The following VPS13B variants were observed in gnomAD, a reference collection of about 807,000 sequenced individuals.
The protein encoded by VPS13B is vacuolar protein sorting 13 homolog B, also known as intermembrane lipid transfer protein VPS13B.
In VPS13B, 285 loss-of-function variants were observed where a neutral mutation model predicts 426.4. The ratio of observed to expected loss-of-function variants is 0.67; its 90% confidence interval spans 0.61 to 0.74. The LOEUF is 0.74. Ranked by LOEUF, VPS13B falls within the 30% of genes least tolerant of loss-of-function variation. VPS13B has a pLI of 0.00. For synonymous variants in VPS13B, 1,676 were observed against 1,676.4 expected (o/e 1.00, Z 0.01); for missense variants, 4,537 against 4,782.6 (o/e 0.95, Z 1.51).
rs183760949 is a variant in VPS13B at position 99,308,664 on chromosome 8, G to A, written c.2824+33410G>A. Among the ~76,000 whole-genome samples, 224 of 152,272 alleles carry A rather than the reference G, an allele frequency of 1.5e-3. 2 individuals carry two copies. Among genetic ancestry groups the A allele is most frequent in the Admixed American group, 3.4e-3 (52 of 15,290 alleles). ...TACGTGTGCATGTGTCTTTATAGCA[G>A]CATGATTTATAATCCTTTGGGTGTA... On this transcript the variant is annotated intron_variant, in intron 19 of 61. Coordinates refer to ENST00000357162, the MANE Select transcript of VPS13B (RefSeq NM_152564.5).
At chr8:99,059,288 C>A (rs1168828084) in intron 3 of VPS13B, among the ~76,000 whole-genome samples, 3 of 152,172 alleles carry the variant, frequency 2.0e-5, no homozygotes, top group African/African-American at 7.2e-5. Flanking sequence ...AGGCGGAAGC[C>A]ACCAATGCCC....
At chr8:99,835,139 A>G in intron 52 of VPS13B, 58 bp from the exon 53 acceptor site, 1 of 1,609,866 alleles carries the variant, frequency 6.2e-7, no homozygotes, top group East Asian at 2.2e-5. Context: ...GTTCCAGAGG[A>G]GAGAGCATTC....
intron 17 of VPS13B, among the ~76,000 whole-genome samples, chr8:99,197,010 C>T (rs1813972648): frequency 6.6e-6 from 1 of 152,084 alleles, no homozygotes; most frequent in African/African-American, 2.4e-5. Context: ...TATACCTAAT[C>T]TATTAGTAGT....
intron 22 of VPS13B, among the ~76,000 whole-genome samples, chr8:99,434,693 G>A (rs752830095): frequency 1.8e-4 from 27 of 152,062 alleles, no homozygotes; most frequent in Non-Finnish European, 1.8e-4. Context: ...TTTCTTTTCT[G>A]AGCATGCCTC....
At chr8:99,210,970 A>G (rs1490514852) in intron 17 of VPS13B, among the ~76,000 whole-genome samples, 1 of 152,096 alleles carries the variant, frequency 6.6e-6, no homozygotes, top group Non-Finnish European at 1.5e-5. Context: ...AATTAAGGAT[A>G]TATGTGAGAA....
At chr8:99,241,160 G>T (rs1588166875) in intron 17 of VPS13B, 1 of 152,156 alleles carries the variant, frequency 6.6e-6, no homozygotes. Flanking sequence ...CTTTTTATAT[G>T]TACTTTGTGT....
chr8:99,513,413 GTA>G (rs1300613687), intron 29 of VPS13B, among the ~76,000 whole-genome samples: 2 of 152,028 alleles, frequency 1.3e-5, no homozygotes, highest in Admixed American at 1.3e-4. Context: ...GTGGGATGAG[GTA>G]TAGAAAAATA....
intron 23 of VPS13B, among the ~76,000 whole-genome samples, chr8:99,448,160 T>TATTG: frequency 6.9e-6 from 1 of 144,270 alleles, no homozygotes; most frequent in Non-Finnish European, 1.5e-5. Context: ...TTTATTTATT[T>TATTG]ATTGCAAGAA....
chr8:99,449,704 T>C (rs1818093330), intron 23 of VPS13B, among the ~76,000 whole-genome samples: 1 of 152,152 alleles, frequency 6.6e-6, no homozygotes, highest in East Asian at 1.9e-4. Context: ...CATGTATAAA[T>C]GATTAGATCA....
intron 39 of VPS13B, among the ~76,000 whole-genome samples, chr8:99,739,315 A>G (rs1245015085): frequency 1.3e-5 from 2 of 152,174 alleles, no homozygotes; most frequent in Non-Finnish European, 2.9e-5. Flanking sequence ...TAGGTAAACA[A>G]AGTGGCCTGG....
intron 19 of VPS13B, among the ~76,000 whole-genome samples, chr8:99,361,839 C>A (rs10107400): frequency 0.03 from 4,496 of 152,160 alleles, 95 homozygotes; most frequent in East Asian, 0.082. Flanking sequence ...GATGGAGTAG[C>A]TATTACTTTT....
rs575293001 is a variant in VPS13B at position 99,847,986 on chromosome 8, T to C, written c.9943-790T>C. 5.9e-5 allele frequency among the ~76,000 whole-genome samples: 9 copies of C among 152,300 alleles called. 1 individual carries two copies. On this transcript the variant is annotated intron_variant, in intron 54 of 61. Coordinates refer to ENST00000357162, the MANE Select transcript of VPS13B (RefSeq NM_152564.5). ...ATACTGCAAATCATCAGAACCAGCCTTCCCAAGCATAAGGAGGTTTTTGCC... is the reference window on the plus strand; with the variant it reads ...ATACTGCAAATCATCAGAACCAGCCCTCCCAAGCATAAGGAGGTTTTTGCC...
intron 35 of VPS13B, among the ~76,000 whole-genome samples, chr8:99,694,689 T>G (rs1232217279): frequency 6.8e-6 from 1 of 146,004 alleles, no homozygotes; most frequent in African/African-American, 2.5e-5. Flanking sequence ...AAGCCAAAAT[T>G]GACAAATGGG....
chr8:99,091,426 C>A (rs755559155), intron 3 of VPS13B, among the ~76,000 whole-genome samples: 12 of 152,100 alleles, frequency 7.9e-5, no homozygotes, highest in Admixed American at 2.0e-4. Context: ...CCTGTCATAA[C>A]CCCTTTTTTC....
intron 6 of VPS13B, among the ~76,000 whole-genome samples, chr8:99,114,249 A>G (rs563322597): frequency 2.6e-4 from 40 of 151,838 alleles, no homozygotes; most frequent in African/African-American, 9.4e-4. Context: ...CCTATGTCAT[A>G]CTCTTATTAT....
At chr8:99,291,483 T>G (rs1054887637) in intron 19 of VPS13B, among the ~76,000 whole-genome samples, 8 of 152,124 alleles carry the variant, frequency 5.3e-5, no homozygotes, top group Admixed American at 5.2e-4. Flanking sequence ...ATGATTCAAT[T>G]CATTGAATTC....
In VPS13B at chr8:99,642,015, T is replaced by C. The variant is rs1829389659; in HGVS notation, c.5425T>C (p.Phe1809Leu). The C allele has an allele frequency of 1.2e-6, 2 of 1,613,938 alleles. No individual in the cohort carries two copies. Among genetic ancestry groups the C allele is most frequent in the African/African-American group, 2.7e-5 (2 of 74,914 alleles). The change falls in exon 34 of 62, where the codon TTT (phenylalanine) becomes CTT (leucine). Residue 1809 changes from phenylalanine (F) to leucine (L), a missense_variant. Transcript: ENST00000357162. Reference sequence around the variant, plus strand: ...GTCATCAATTGTAAAAAATCTAAATTTTATTCCCTTTGACATATTTATTAC... The same window carrying C: ...GTCATCAATTGTAAAAAATCTAAATCTTATTCCCTTTGACATATTTATTAC... ...RQSSIVKNLN[F>L]IPFDIFITAS... is the part of the protein sequence containing the mutation.
chr8:99,028,370 G>T (rs1348474262), intron 2 of VPS13B, among the ~76,000 whole-genome samples: 2 of 150,404 alleles, frequency 1.3e-5, no homozygotes, highest in Non-Finnish European at 3.0e-5. Context: ...TCCCGGATGG[G>T]GCGGCTGGCC....
chr8:99,238,066 A>C (rs1029260309), intron 17 of VPS13B, among the ~76,000 whole-genome samples: 3 of 151,984 alleles, frequency 2.0e-5, no homozygotes, highest in African/African-American at 7.2e-5. Flanking sequence ...CATTGCCTGG[A>C]GTACTTCAAT....
Sources: gnomAD v4.1 joint callset for allele counts (sites outside exome capture counted in the v4.1 genomes callset) on GRCh38, gnomAD v4.1.1 for gene constraint, MANE v1.5 for transcripts, NCBI Gene and HGNC (gene_info 2026-07-23, HGNC 2026-07-21) for gene names.